Variants in ROBO1 observed in about 807,000 individuals in gnomAD.
ROBO1 encodes the protein roundabout guidance receptor 1.
Under a neutral mutation model 195.9 loss-of-function variants are expected in ROBO1, and 149 were observed. That is an observed-to-expected ratio of 0.76 (90% CI 0.67 to 0.87). The LOEUF (loss-of-function observed/expected upper bound fraction) is 0.87. ROBO1 is among the 40% of genes least tolerant of loss of function. The probability of loss-of-function intolerance (pLI) is 0.00; values close to 1 mark genes in which losing one functional copy is unlikely to be tolerated. For synonymous variants in ROBO1, 816 were observed against 733.2 expected (o/e 1.11, Z -1.82); for missense variants, 1,933 against 2,068.3 (o/e 0.93, Z 1.27).
chr3:79,050,911 C>T (rs372962444), intron 3 of ROBO1, among the ~76,000 whole-genome samples: 18 of 151,948 alleles, frequency 1.2e-4, no homozygotes, highest in Admixed American at 5.9e-4. Flanking sequence ...CTGAAAGCAG[C>T]GTGTAGAGGG....
intron 2 of ROBO1, among the ~76,000 whole-genome samples, chr3:79,403,539 A>C (rs185394744): frequency 6.6e-6 from 1 of 152,142 alleles, no homozygotes; most frequent in African/African-American, 2.4e-5. Context: ...GGTAGTTTCT[A>C]AGAAGGACTA....
In ROBO1 at chr3:79,553,856, T is replaced by C. The variant is rs561534201; in HGVS notation, c.88+35968A>G. Among the ~76,000 whole-genome samples, 4 of 152,206 alleles carry C rather than the reference T, an allele frequency of 2.6e-5. No individual in the cohort carries two copies. In the South Asian group the frequency reaches 8.3e-4, roughly 32 times the overall value. On this transcript the variant is annotated intron_variant, in intron 2 of 30. Coordinates refer to ENST00000464233, the MANE Select transcript of ROBO1 (RefSeq NM_002941.4). The stretch of plus-strand genomic sequence containing the variant: ...ATCCTGTTTTGAGGAGGAGAATGGC[T>C]GTTGATTTCTGGCTTTTTAAATATA...
At chr3:79,111,589 C>T (rs528916254) in intron 3 of ROBO1, among the ~76,000 whole-genome samples, 31 of 152,238 alleles carry the variant, frequency 2.0e-4, no homozygotes, top group Admixed American at 5.2e-4. Flanking sequence ...TTTCCCAACA[C>T]GTCACAGCTG....
At chr3:79,757,209 A>G (rs528562026) in intron 1 of ROBO1, among the ~76,000 whole-genome samples, 1 of 152,294 alleles carries the variant, frequency 6.6e-6, no homozygotes, top group Non-Finnish European at 1.5e-5. Flanking sequence ...TTTAATAATT[A>G]TGTTTAATTT....
In ROBO1 at chr3:78,778,665, C is replaced by T. The variant is rs1164941091; in HGVS notation, c.500-31765G>A. 2.6e-5 allele frequency among the ~76,000 whole-genome samples: 4 copies of T among 152,274 alleles called. No homozygotes were observed. In the East Asian group the frequency reaches 7.7e-4, roughly 29 times the overall value. Reference sequence around the variant, plus strand: ...TTCCATGCTCATGGATGGGAAGAATCAGTATTGTGAACATGACCATAATGC... The same window carrying T: ...TTCCATGCTCATGGATGGGAAGAATTAGTATTGTGAACATGACCATAATGC... On this transcript the variant is annotated intron_variant, in intron 4 of 30. Coordinates refer to ENST00000464233, the MANE Select transcript of ROBO1 (RefSeq NM_002941.4).
At chr3:78,962,401 G>A (rs2041397199) in intron 3 of ROBO1, among the ~76,000 whole-genome samples, 1 of 152,130 alleles carries the variant, frequency 6.6e-6, no homozygotes, top group African/African-American at 2.4e-5. Context: ...AGCTCAGCAT[G>A]GTAAATCACT....
At chr3:79,292,845 G>T (rs1402356856) in intron 2 of ROBO1, among the ~76,000 whole-genome samples, 1 of 152,006 alleles carries the variant, frequency 6.6e-6, no homozygotes, top group Non-Finnish European at 1.5e-5. Context: ...TCCTTTTTTT[G>T]TTGTGTCTCT....
chr3:78,841,433 A>T (rs1256133653), intron 4 of ROBO1, among the ~76,000 whole-genome samples: 1 of 152,148 alleles, frequency 6.6e-6, no homozygotes, highest in African/African-American at 2.4e-5. Flanking sequence ...CTCAATCAGA[A>T]CAAGTACAAG....
At chr3:78,988,327 C>A (rs2077160044) in intron 3 of ROBO1, among the ~76,000 whole-genome samples, 1 of 152,100 alleles carries the variant, frequency 6.6e-6, no homozygotes, top group African/African-American at 2.4e-5. Flanking sequence ...CCAGACTTCT[C>A]TGTCTGGTGC....
intron 2 of ROBO1, among the ~76,000 whole-genome samples, chr3:79,557,020 G>GTTTTTTT (rs375271433): frequency 1.5e-5 from 2 of 135,782 alleles, no homozygotes; most frequent in Non-Finnish European, 1.6e-5. Context: ...TTTTTTTGTT[G>GTTTTTTT]TTTTTTTTTT....
chr3:79,401,718 A>G (rs1177398878), intron 2 of ROBO1, among the ~76,000 whole-genome samples: 1 of 151,926 alleles, frequency 6.6e-6, no homozygotes, highest in Non-Finnish European at 1.5e-5. Flanking sequence ...TCAGTGTCAG[A>G]AAAAGGAGGA....
At chr3:79,513,681 G>A (rs1940819928) in intron 2 of ROBO1, among the ~76,000 whole-genome samples, 1 of 143,924 alleles carries the variant, frequency 6.9e-6, no homozygotes, top group African/African-American at 2.7e-5. Context: ...TTGAAGAAAA[G>A]TTAATAAAAA....
chr3:79,605,813 T>C (rs983914580), intron 1 of ROBO1, among the ~76,000 whole-genome samples: 1 of 151,980 alleles, frequency 6.6e-6, no homozygotes, highest in Non-Finnish European at 1.5e-5. Flanking sequence ...GTTTTTCTTA[T>C]GGATGTGACA....
At chr3:79,680,629 G>T (rs897762152) in intron 1 of ROBO1, among the ~76,000 whole-genome samples, 2 of 151,990 alleles carry the variant, frequency 1.3e-5, no homozygotes, top group Non-Finnish European at 2.9e-5. Context: ...TTTCATCCAA[G>T]CATATTCAGC....
intron 4 of ROBO1, among the ~76,000 whole-genome samples, chr3:78,803,195 C>T (rs1319863603): frequency 6.6e-6 from 1 of 152,160 alleles, no homozygotes; most frequent in African/African-American, 2.4e-5. Flanking sequence ...TGATCTTAAG[C>T]TTCTCCATCT....
intron 1 of ROBO1, among the ~76,000 whole-genome samples, chr3:79,714,405 T>C (rs573830701): frequency 2.0e-5 from 3 of 152,280 alleles, no homozygotes; most frequent in East Asian, 1.9e-4. Context: ...TTGGTGGGAA[T>C]GTAAACTAGT....
intron 4 of ROBO1, among the ~76,000 whole-genome samples, chr3:78,924,038 T>A (rs2039081097): frequency 6.6e-6 from 1 of 151,414 alleles, no homozygotes; most frequent in South Asian, 2.1e-4. Context: ...AAAAAAAAAA[T>A]ACACATATAT....
intron 2 of ROBO1, among the ~76,000 whole-genome samples, chr3:79,366,420 C>T (rs1399950585): frequency 6.6e-6 from 1 of 152,148 alleles, no homozygotes; most frequent in African/African-American, 2.4e-5. Context: ...TACTCTTCAC[C>T]TCTAACCCTG....
chr3:79,610,315 A>T (rs1213901887), intron 1 of ROBO1, among the ~76,000 whole-genome samples: 1 of 151,902 alleles, frequency 6.6e-6, no homozygotes, highest in Non-Finnish European at 1.5e-5. Context: ...AGTAATCAAT[A>T]ATAAAATAGG....
Sources: allele counts gnomAD v4.1 joint callset (sites outside exome capture counted in the v4.1 genomes callset), GRCh38; gene constraint gnomAD v4.1.1; transcripts MANE v1.5; gene names NCBI Gene and HGNC (gene_info 2026-07-23, HGNC 2026-07-21).